CA6: variants seen among roughly 807,000 people sequenced by gnomAD.
The protein encoded by CA6 is carbonic anhydrase 6.
Under a neutral mutation model 35.9 loss-of-function variants are expected in CA6, and 28 were observed. The ratio of observed to expected loss-of-function variants is 0.78; its 90% CI spans 0.58 to 1.07. CA6 has a LOEUF of 1.07. Among genes scored for constraint, CA6 ranks in the 50% least tolerant of loss-of-function variants. CA6 has a pLI of 0.00. For missense variants in CA6, 377 were observed against 382.0 expected (o/e 0.99, Z 0.11); for synonymous variants, 148 against 152.6 (o/e 0.97, Z 0.22).
intron 1 of CA6, 77 bp from the exon 2 acceptor site, chr1:8,949,185 CT>C: frequency 8.6e-7 from 1 of 1,165,714 alleles, no homozygotes; most frequent in Non-Finnish European, 1.2e-6. Context: ...GCCCTGGCCT[CT>C]GGCCTCTGGC....
chr1:8,960,104 G>A lies in CA6; in HGVS notation c.501+1102G>A, dbSNP rs374083134. Among the ~76,000 whole-genome samples the A allele has an allele frequency of 8.6e-5, 13 of 151,834 alleles. No homozygotes were observed. In the East Asian group the frequency reaches 1.7e-3, roughly 20 times the overall value. On this transcript the variant is annotated intron_variant, in intron 4 of 7. Coordinates refer to ENST00000377443, the MANE Select transcript of CA6 (RefSeq NM_001215.4). ...AAAGTAGCCAGGCGTGGTGACGCAC[G>A]CCTGTAATCCCAGCTACTTAGGAGG... is the stretch of plus-strand genomic sequence containing the variant.
At chr1:8,960,112 T>A (rs1639799796) in intron 4 of CA6, among the ~76,000 whole-genome samples, 3 of 151,360 alleles carry the variant, frequency 2.0e-5, no homozygotes, top group African/African-American at 7.3e-5. Flanking sequence ...ACGCCTGTAA[T>A]CCCAGCTACT....
chr1:8,948,030 A>G (rs1639414595), intron 1 of CA6, among the ~76,000 whole-genome samples: 1 of 151,904 alleles, frequency 6.6e-6, no homozygotes, highest in South Asian at 2.1e-4. Context: ...TATTTTTAGT[A>G]GAGATGGAGT....
At chr1:8,972,495 AC>A (rs1264055601) in intron 7 of CA6, among the ~76,000 whole-genome samples, 7 of 151,288 alleles carry the variant, frequency 4.6e-5, no homozygotes, top group African/African-American at 1.7e-4. Context: ...ACATGGTGAA[AC>A]CCCGCCTCTA....
chr1:8,948,005 C>T (rs753474904), intron 1 of CA6, among the ~76,000 whole-genome samples: 8 of 152,070 alleles, frequency 5.3e-5, no homozygotes, highest in East Asian at 1.9e-4. Context: ...CCACCATGCC[C>T]GGCTGATTGT....
intron 1 of CA6, among the ~76,000 whole-genome samples, chr1:8,946,599 A>G (rs1445180830): frequency 6.6e-6 from 1 of 152,090 alleles, no homozygotes; most frequent in Non-Finnish European, 1.5e-5. Context: ...TTCTATTTGT[A>G]AAACCATTTG....
At position 8,967,639 on chromosome 1, in the gene CA6, C is replaced by T. The variant is rs755080388; in HGVS notation, c.572-20C>T. 2.5e-6 allele frequency: 4 copies of T among 1,611,654 alleles called. No homozygotes were observed. The South Asian group carries it at 4.4e-5, about 18-fold the overall frequency. On this transcript the variant is annotated intron_variant, in intron 5 of 7. Coordinates refer to ENST00000377443, the MANE Select transcript of CA6 (RefSeq NM_001215.4). The stretch of plus-strand genomic sequence containing the variant: ...AGCGCTGGTCCCTGACATTCTGTTA[C>T]CTTCTGTCTTCTTGGTCAGGACAAA...
rs1180815483 is a variant in CA6 at position 8,967,759 on chromosome 1, C to T, written c.672C>T (p.Cys224=). The change falls in exon 6 of 8, where the codon TGC becomes TGT. Residue 224 remains cysteine, a synonymous_variant. Transcript: ENST00000377443. ...TYHGSLTTPP[C]TENVHWFVLA... ...ATGGCTCACTCACCACGCCTCCCTGCACTGAGAACGTCCACTGGTTTGTGC... is the reference window on the plus strand; with the variant it reads ...ATGGCTCACTCACCACGCCTCCCTGTACTGAGAACGTCCACTGGTTTGTGC... 6 of 1,613,976 alleles carry T rather than the reference C, an allele frequency of 3.7e-6. No individual in the cohort carries two copies. The African/African-American group carries it at 6.7e-5, about 18-fold the overall frequency.
intron 4 of CA6, among the ~76,000 whole-genome samples, chr1:8,960,449 G>T (rs929348049): frequency 1.3e-5 from 2 of 151,250 alleles, no homozygotes; most frequent in African/African-American, 4.9e-5. Context: ...AGGAAACTAT[G>T]TTCAAAGAAT....
In CA6 at chr1:8,974,688, G is replaced by A; in HGVS notation, c.911G>A (p.Arg304Lys). 1 of 1,600,848 alleles carries A rather than the reference G, an allele frequency of 6.2e-7. No homozygotes were observed. The highest frequency in any genetic ancestry group is 8.5e-7 in the Non-Finnish European group (1 of 1,171,438). Residue 304 changes from arginine (R) to lysine (K), a missense_variant, in exon 8 of 8, where the codon AGA (arginine) becomes AAA (lysine). Transcript: ENST00000377443. ...ATTGAGGAAATTCTTGACTACTTAAGAAGAGCATTGAACTGAGGAAAGCTA... is the reference window on the plus strand; with the variant it reads ...ATTGAGGAAATTCTTGACTACTTAAAAAGAGCATTGAACTGAGGAAAGCTA... The part of the protein sequence containing the change: ...HKIEEILDYL[R>K]RALN
intron 7 of CA6, among the ~76,000 whole-genome samples, chr1:8,971,560 C>T (rs923090398): frequency 3.3e-5 from 5 of 152,232 alleles, no homozygotes; most frequent in African/African-American, 1.2e-4. Flanking sequence ...ATCTGCCCAC[C>T]TCGGCCTCCC....
chr1:8,970,978 C>T lies in CA6; in HGVS notation c.841C>T (p.Gln281Ter), dbSNP rs776292459. Residue 281 changes from glutamine to a stop codon, truncating the protein, a stop_gained, in exon 7 of 8, where the codon CAG (glutamine) becomes TAG (stop). Transcript: ENST00000377443. LOFTEE classifies it low-confidence loss of function (END_TRUNC). Reference protein sequence around the residue: ...HRVVESNFPNQEYTLGSEFQF... With the variant: ...HRVVESNFPN ...AGTGGTGGAATCCAACTTCCCGAAT[C>T]AGGGTGAGTGAGACCGACTCTTGAT... 8 of 1,602,160 alleles carry T rather than the reference C, an allele frequency of 5.0e-6. No homozygotes were observed. Among genetic ancestry groups the T allele is most frequent in the Non-Finnish European group, 5.1e-6 (6 of 1,169,288 alleles).
rs771208121 is a variant in CA6 at position 8,967,731 on chromosome 1, A to C, written c.644A>C (p.Tyr215Ser). ...AGGAACCTCCAGCACTACTACACCT[A>C]CCATGGCTCACTCACCACGCCTCCC... ...LPRNLQHYYT[Y>S]HGSLTTPPCT... Residue 215 changes from tyrosine to serine, a missense_variant, in exon 6 of 8, where the codon TAC becomes TCC. By Grantham distance (144) the Tyr-to-Ser change is moderately radical (BLOSUM62 -2). Transcript: ENST00000377443. 1 of 1,613,940 alleles carries C rather than the reference A, an allele frequency of 6.2e-7. No homozygotes were observed. The highest frequency in any genetic ancestry group is 8.5e-7 in the Non-Finnish European group (1 of 1,179,932).
chr1:8,960,885 G>A (rs1326890985), intron 4 of CA6, among the ~76,000 whole-genome samples: 1 of 151,844 alleles, frequency 6.6e-6, no homozygotes, highest in East Asian at 1.9e-4. Flanking sequence ...CCTCAAATCT[G>A]AGGAAAAACA....
At chr1:8,954,465 T>C (rs1008674273) in intron 2 of CA6, among the ~76,000 whole-genome samples, 1 of 152,068 alleles carries the variant, frequency 6.6e-6, no homozygotes, top group Non-Finnish European at 1.5e-5. Context: ...GCGCCTGGCC[T>C]ATTCCTTTAT....
chr1:8,971,650 C>T (rs1640114190), intron 7 of CA6, among the ~76,000 whole-genome samples: 1 of 152,158 alleles, frequency 6.6e-6, no homozygotes, highest in South Asian at 2.1e-4. Context: ...ATTTCCTGCG[C>T]ATCTTGATCA....
intron 6 of CA6, among the ~76,000 whole-genome samples, chr1:8,968,940 C>A (rs978962225): frequency 6.6e-6 from 1 of 151,924 alleles, no homozygotes; most frequent in South Asian, 2.1e-4. Context: ...ATCACTTGAA[C>A]CTGGGACGTG....
chr1:8,948,697 C>T (rs1014479520), intron 1 of CA6, among the ~76,000 whole-genome samples: 3 of 152,020 alleles, frequency 2.0e-5, no homozygotes, highest in Admixed American at 6.5e-5. Flanking sequence ...AGGCCGGGCA[C>T]GGTGGCTCAC....
chr1:8,962,550 T>C (rs375063945), intron 4 of CA6, 37 bp from the exon 5 acceptor site: 4 of 1,562,592 alleles, frequency 2.6e-6, no homozygotes, highest in Non-Finnish European at 3.5e-6. Context: ...TGGGGCCTCT[T>C]CTTCACTTAC....
Sources: allele counts gnomAD v4.1 joint callset (sites outside exome capture counted in the v4.1 genomes callset), GRCh38; gene constraint gnomAD v4.1.1; transcripts MANE v1.5; gene names NCBI Gene and HGNC (gene_info 2026-07-23, HGNC 2026-07-21).